MCPH1: variants seen among roughly 807,000 people sequenced by gnomAD.
MCPH1 encodes microcephalin 1, also known as microcephalin.
Under a neutral mutation model 84.5 loss-of-function variants are expected in MCPH1, and 104 were observed. The ratio of observed to expected loss-of-function variants is 1.23; its 90% CI spans 1.05 to 1.45. MCPH1 has a LOEUF of 1.45. Ranked by LOEUF, MCPH1 falls within the 40% of genes most tolerant of loss-of-function variation. MCPH1 has a pLI of 0.00. For synonymous variants in MCPH1, 514 were observed against 366.8 expected (o/e 1.40, Z -4.58); for missense variants, 1,498 against 1,005.7 (o/e 1.49, Z -6.62).
intron 12 of MCPH1, among the ~76,000 whole-genome samples, chr8:6,555,449 C>CA (rs1554450882): frequency 6.7e-6 from 1 of 148,284 alleles, no homozygotes; most frequent in Non-Finnish European, 1.5e-5. Flanking sequence ...ATTTGTTTTA[C>CA]GGGGGGTGGT....
chr8:6,444,537 A>G lies in MCPH1; in HGVS notation c.815A>G (p.Asn272Ser), dbSNP rs1171453989. The change falls in exon 8 of 14, where the codon AAT (asparagine) becomes AGT (serine). Residue 272 changes from asparagine (N) to serine (S), a missense_variant. By Grantham distance (46) the Asn-to-Ser change is conservative. Coordinates refer to ENST00000344683, the MANE Select transcript of MCPH1 (RefSeq NM_024596.5). Reference sequence around the variant, plus strand: ...ATTTCTTCACTTGTATTGAAAGCAAATAATATTCATTCATCACCATCTTTC... The same window carrying G: ...ATTTCTTCACTTGTATTGAAAGCAAGTAATATTCATTCATCACCATCTTTC... Reference protein sequence around the residue: ...VCISSLVLKANNIHSSPSFTH... With the variant: ...VCISSLVLKASNIHSSPSFTH... 6 of 1,614,214 alleles carry G rather than the reference A, an allele frequency of 3.7e-6. No homozygotes were observed. The highest frequency in any genetic ancestry group is 5.1e-6 in the Non-Finnish European group (6 of 1,180,028).
At chr8:6,415,595 C>T (rs1799162824) in intron 3 of MCPH1, among the ~76,000 whole-genome samples, 1 of 152,112 alleles carries the variant, frequency 6.6e-6, no homozygotes, top group African/African-American at 2.4e-5. Context: ...CTCAGGTGAT[C>T]CACCTGCCTC....
intron 12 of MCPH1, among the ~76,000 whole-genome samples, chr8:6,521,797 C>G (rs533457990): frequency 3.4e-4 from 52 of 152,262 alleles, no homozygotes; most frequent in African/African-American, 1.2e-3. Flanking sequence ...TTCAACTGGG[C>G]TGGACCCTTG....
chr8:6,526,509 T>C (rs1301758158), intron 12 of MCPH1, among the ~76,000 whole-genome samples: 1 of 152,180 alleles, frequency 6.6e-6, no homozygotes, highest in Non-Finnish European at 1.5e-5. Flanking sequence ...AATGTTCATT[T>C]ACTGTTTGTA....
chr8:6,589,888 C>G (rs1828300669), intron 12 of MCPH1, among the ~76,000 whole-genome samples: 2 of 152,088 alleles, frequency 1.3e-5, no homozygotes, highest in South Asian at 2.1e-4. Context: ...CTGCAGAACT[C>G]TTATTATGGA....
chr8:6,521,378 T>G (rs1159297853), intron 12 of MCPH1: 4 of 1,613,482 alleles, frequency 2.5e-6, no homozygotes, highest in Non-Finnish European at 3.4e-6. Context: ...GATGTGCTTG[T>G]CTTCCATAGC....
chr8:6,591,220 T>C (rs954420157), intron 12 of MCPH1, among the ~76,000 whole-genome samples: 1 of 152,260 alleles, frequency 6.6e-6, no homozygotes, highest in African/African-American at 2.4e-5. Context: ...TCCTATCGCA[T>C]TTTGACACCT....
At chr8:6,506,721 T>C (rs1171915226) in intron 12 of MCPH1, among the ~76,000 whole-genome samples, 2 of 150,472 alleles carry the variant, frequency 1.3e-5, no homozygotes, top group South Asian at 2.1e-4. Context: ...TGGTGTAACA[T>C]AGGGAGGACC....
chr8:6,416,679 C>T (rs1314316708), intron 3 of MCPH1, among the ~76,000 whole-genome samples: 7 of 152,042 alleles, frequency 4.6e-5, no homozygotes, highest in South Asian at 4.1e-4. Context: ...ATGTTGTATA[C>T]GTTGTCATCT....
At chr8:6,514,994 A>T (rs1038712528) in intron 12 of MCPH1, among the ~76,000 whole-genome samples, 2 of 152,196 alleles carry the variant, frequency 1.3e-5, no homozygotes, top group Non-Finnish European at 2.9e-5. Flanking sequence ...CATAAACAGT[A>T]ATATAATATA....
At chr8:6,532,591 A>AAC in intron 12 of MCPH1, 1 of 847,372 alleles carries the variant, frequency 1.2e-6, no homozygotes, top group South Asian at 3.3e-5. Flanking sequence ...AAAAAAAAAA[A>AAC]ATCTATCAAA....
At chr8:6,497,863 T>C (rs1811434268) in intron 11 of MCPH1, among the ~76,000 whole-genome samples, 1 of 152,198 alleles carries the variant, frequency 6.6e-6, no homozygotes, top group South Asian at 2.1e-4. Flanking sequence ...GATTTGAACA[T>C]AGGTACATTA....
rs960570292 is a variant in MCPH1 at position 6,418,211 on chromosome 8, G to T, written c.233+3328G>T. Among the ~76,000 whole-genome samples the T allele has an allele frequency of 2.6e-5, 4 of 152,060 alleles. No individual in the cohort carries two copies. The East Asian group carries it at 5.8e-4, about 22-fold the overall frequency. On this transcript the variant is annotated intron_variant, in intron 3 of 13. Transcript: ENST00000344683. The stretch of plus-strand genomic sequence containing the variant: ...CCTGGTCTCTTCAGCGAGAAAGGAG[G>T]CCGGAGCTTCTGCTTGAGTGCTTGC...
intron 11 of MCPH1, among the ~76,000 whole-genome samples, chr8:6,483,814 C>G (rs1809531097): frequency 6.6e-6 from 1 of 152,106 alleles, no homozygotes; most frequent in African/African-American, 2.4e-5. Flanking sequence ...GAGCCAATAC[C>G]ATGCCACTGC....
rs865975436 is a variant in MCPH1, at chr8:6,408,910, G to T, written c.23-369G>T. 3.4e-4 allele frequency among the ~76,000 whole-genome samples: 50 copies of T among 146,914 alleles called. 1 individual carries two copies. Among genetic ancestry groups the T allele is most frequent in the African/African-American group, 1.1e-3 (43 of 38,540 alleles). ...TTTTTTCTTTTTTTTTTTTTGAAAC[G>T]GGTCTCGCCCTGTCACCCAGGCTGG... On this transcript the variant is annotated intron_variant, in intron 1 of 13. Transcript: ENST00000344683.
chr8:6,521,618 A>G (rs1267267700), intron 12 of MCPH1, among the ~76,000 whole-genome samples: 1 of 152,252 alleles, frequency 6.6e-6, no homozygotes, highest in Admixed American at 6.5e-5. Flanking sequence ...GTATAAGCAT[A>G]TATGTATGTA....
rs139514772 is a variant in MCPH1 at position 6,623,514 on chromosome 8, G to A, written c.2452+1823G>A. ...ATCTGCTCAACATTATCCCTTAATA[G>A]ACAAGTAGATACTGTGTTTGTTCAA... On this transcript the variant is annotated intron_variant, in intron 13 of 13. Coordinates refer to ENST00000344683, the MANE Select transcript of MCPH1 (RefSeq NM_024596.5). 9.6e-3 allele frequency among the ~76,000 whole-genome samples: 1,458 copies of A among 151,972 alleles called. 14 individuals carry two copies. Among genetic ancestry groups the A allele is most frequent in the Non-Finnish European group, 0.015 (1,000 of 68,000 alleles).
chr8:6,502,923 G>C (rs949294761), intron 12 of MCPH1: 8 of 665,610 alleles, frequency 1.2e-5, no homozygotes, highest in Non-Finnish European at 2.0e-5. Flanking sequence ...TCCGTTAAGT[G>C]ATGCAAGTTT....
At chr8:6,632,790 C>G (rs1336101605) in intron 13 of MCPH1, among the ~76,000 whole-genome samples, 3 of 151,332 alleles carry the variant, frequency 2.0e-5, no homozygotes, top group East Asian at 1.9e-4. Flanking sequence ...GCCTAGGCAA[C>G]AGAGTGAGAC....
Sources: allele counts gnomAD v4.1 joint callset (sites outside exome capture counted in the v4.1 genomes callset), GRCh38; gene constraint gnomAD v4.1.1; transcripts MANE v1.5; gene names NCBI Gene and HGNC (gene_info 2026-07-23, HGNC 2026-07-21).